TNRC18: variants seen among roughly 807,000 people sequenced by gnomAD.
TNRC18 encodes the protein trinucleotide repeat-containing gene 18 protein.
TNRC18 carries 69 observed loss-of-function variants against 226.7 expected under a neutral mutation model. That is an observed-to-expected ratio of 0.30 (90% CI 0.25 to 0.37). TNRC18 has a LOEUF of 0.37. Among genes scored for constraint, TNRC18 ranks in the 10% least tolerant of loss-of-function variants. The pLI is 1.00. For missense variants in TNRC18, 4,754 were observed against 4,256.6 expected, an observed-to-expected ratio of 1.12 and a Z score of -3.25; for synonymous variants, 2,449 against 1,927.6, an observed-to-expected ratio of 1.27 and a Z score of -7.09.
intron 5 of TNRC18, among the ~76,000 whole-genome samples, chr7:5,378,417 T>C (rs1779161963): frequency 6.6e-6 from 1 of 151,748 alleles, no homozygotes; most frequent in South Asian, 2.1e-4. Context: ...TTTATTTTTA[T>C]TTATTTATTT....
At position 5,377,481 on chromosome 7, in the gene TNRC18, G is replaced by A. The variant is rs572656471; in HGVS notation, c.2351C>T (p.Ala784Val). 52 of 1,582,198 alleles carry A rather than the reference G, an allele frequency of 3.3e-5. No homozygotes were observed. The highest frequency in any genetic ancestry group is 4.6e-5 in the South Asian group (4 of 86,658). ...NPNLMVTGGP[A>V]LAGSGRWSAD... ...AGACCAGCGACCTGAGCCCGCCAGC[G>A]CCGGGCCCCCCGTCACCATGAGGTT... The change falls in exon 7 of 30, where the codon GCG (alanine) becomes GTG (valine). Residue 784 changes from alanine to valine, a missense_variant. Coordinates refer to ENST00000430969, the MANE Select transcript of TNRC18 (RefSeq NM_001080495.3). This position sits in a 1 kb window ranked among gnomAD's most constrained non-coding sequence, Gnocchi z 5.8.
At chr7:5,397,611 C>G (rs1051029052) in intron 2 of TNRC18, among the ~76,000 whole-genome samples, 8 of 152,228 alleles carry the variant, frequency 5.3e-5, no homozygotes, top group Non-Finnish European at 1.0e-4. Flanking sequence ...CCCCTCACCT[C>G]ACTCTCCAGA....
intron 19 of TNRC18, 68 bp downstream of exon 19, chr7:5,332,554 G>C: frequency 6.9e-7 from 1 of 1,451,338 alleles, no homozygotes; most frequent in Non-Finnish European, 9.1e-7. Context: ...GCTGGGAGGG[G>C]AGAGGGCCCC....
chr7:5,338,926 GAAA>G (rs778716584), intron 18 of TNRC18, among the ~76,000 whole-genome samples: 1 of 64,330 alleles, frequency 1.6e-5, no homozygotes, highest in Non-Finnish European at 3.2e-5. Flanking sequence ...ATCTCAAAAG[GAAA>G]AAAAAAAAAA....
rs1779113955 is a variant in TNRC18 at position 5,377,866 on chromosome 7, A to G, written c.2255+56T>C. On this transcript the variant is annotated intron_variant, in intron 6 of 29. Transcript: ENST00000430969. The surrounding 1 kb of genome is among the most constrained non-coding windows in gnomAD (Gnocchi z 5.8). Reference sequence around the variant, plus strand: ...ACCTGGGGTCATCCAGCTGCCCCTCACCCCCAGGGGCTCCTAGATACCCCC... The same window carrying G: ...ACCTGGGGTCATCCAGCTGCCCCTCGCCCCCAGGGGCTCCTAGATACCCCC... The G allele has an allele frequency of 2.6e-6, 4 of 1,544,316 alleles. No individual in the cohort carries two copies. Among genetic ancestry groups the G allele is most frequent in the Non-Finnish European group, 3.6e-6 (4 of 1,121,180 alleles).
chr7:5,308,450 G>T, intron 29 of TNRC18, 138 bp from the exon 30 acceptor site: 1 of 777,794 alleles, frequency 1.3e-6, no homozygotes, highest in Non-Finnish European at 2.1e-6. Context: ...GACAGAGGCT[G>T]AGTAAGAGAC....
rs762708633 is a variant in TNRC18, at chr7:5,313,304, G to A, written c.7587C>T (p.Pro2529=). 2,146 of 1,548,712 alleles carry A rather than the reference G, an allele frequency of 1.4e-3. 2 individuals carry two copies. Among genetic ancestry groups the A allele is most frequent in the South Asian group, 2.0e-3 (164 of 83,990 alleles). The change falls in exon 27 of 30, where the codon CCC becomes CCT. Residue 2529 remains proline, a synonymous_variant. Transcript: ENST00000430969. The part of the protein sequence containing the change: ...KATDGDLAQE[P]GPGLTFEDSG... ...AGTCCTCGAACGTGAGCCCCGGCCCGGGCTCCTGGGCGAGGTCCCCGTCGG... is the reference window on the plus strand; with the variant it reads ...AGTCCTCGAACGTGAGCCCCGGCCCAGGCTCCTGGGCGAGGTCCCCGTCGG...
Position 5,332,946 on chromosome 7 carries a change from G to C in TNRC18, c.5823C>G (p.Pro1941=), listed in dbSNP as rs1789702468. The C allele has an allele frequency of 7.1e-6, 11 of 1,551,684 alleles. No individual in the cohort carries two copies. Among genetic ancestry groups the C allele is most frequent in the Admixed American group, 1.9e-5 (1 of 53,426 alleles). ...RPKKGLGEPG[P]SLAAPTPGAR... is the part of the protein sequence containing the mutation. ...CGCCAGGCGTGGGTGCGGCCAGGGA[G>C]GGTCCCGGCTCCCCCAGCCCCTTCT... Residue 1941 remains proline (P), a synonymous_variant, in exon 19 of 30, where the codon CCC becomes CCG. Transcript: ENST00000430969.
chr7:5,315,781 G>A (rs908663316), intron 25 of TNRC18, among the ~76,000 whole-genome samples, 175 bp downstream of exon 25: 2 of 152,196 alleles, frequency 1.3e-5, no homozygotes, highest in African/African-American at 4.8e-5. Flanking sequence ...CTGTCCTCAT[G>A]GACCCAGGAC....
At chr7:5,390,451 C>T (rs1158675938) in intron 4 of TNRC18, 34 bp downstream of exon 4, 3 of 1,612,858 alleles carry the variant, frequency 1.9e-6, no homozygotes, top group Non-Finnish European at 2.5e-6. Flanking sequence ...CAGAAGGCCC[C>T]TGTGCCACCC....
At chr7:5,346,249 G>A (rs530020456) in intron 17 of TNRC18, among the ~76,000 whole-genome samples, 8 of 152,314 alleles carry the variant, frequency 5.3e-5, no homozygotes, top group Admixed American at 2.0e-4. Context: ...GGGGACTCAG[G>A]CTAGGGGTTC....
chr7:5,388,610 C>A lies in TNRC18; in HGVS notation c.1214G>T (p.Gly405Val). 7.7e-7 allele frequency: 1 copy of A among 1,292,954 alleles called. No individual in the cohort carries two copies. Among genetic ancestry groups the A allele is most frequent in the Admixed American group, 4.3e-5 (1 of 23,230 alleles). 80.1% of individuals were successfully genotyped at this position (1,292,954 alleles called of 1,614,324 possible). A position where few individuals can be genotyped will look rare whatever the true frequency, so the allele number is the denominator to read the frequency against. Reference sequence around the variant, plus strand: ...GGGCGCCTGCAGGACCCCTGGCCTGCCAGCCTCGCGCTCGCGGGCCCGGGC... The same window carrying A: ...GGGCGCCTGCAGGACCCCTGGCCTGACAGCCTCGCGCTCGCGGGCCCGGGC... ...RDARAREREA[G>V]RPGVLQAPPG... Residue 405 changes from glycine (G) to valine (V), a missense_variant, in exon 5 of 30, where the codon GGC becomes GTC. Transcript: ENST00000430969.
At chr7:5,341,645 T>C (rs1790696178) in intron 18 of TNRC18, among the ~76,000 whole-genome samples, 1 of 150,032 alleles carries the variant, frequency 6.7e-6, no homozygotes, top group Non-Finnish European at 1.5e-5. Context: ...ACGCCTGTAA[T>C]CCCAGCTACT....
intron 2 of TNRC18, among the ~76,000 whole-genome samples, chr7:5,402,885 G>T (rs550082469): frequency 6.6e-6 from 1 of 151,880 alleles, no homozygotes; most frequent in Non-Finnish European, 1.5e-5. Context: ...GTGTGGAATG[G>T]GGGGGCAAGG....
Position 5,370,789 on chromosome 7 carries a change from G to A in TNRC18, c.3805C>T (p.Pro1269Ser), listed in dbSNP as rs761731467. ...EEPVEVPVAV[P>S]VVEAVPEEGL... Reference sequence around the variant, plus strand: ...TCCTCGGGCACTGCCTCCACCACGGGCACCGCCACAGGCACCTCCACCGGC... The same window carrying A: ...TCCTCGGGCACTGCCTCCACCACGGACACCGCCACAGGCACCTCCACCGGC... Residue 1269 changes from proline to serine, a missense_variant, in exon 11 of 30, where the codon CCC (proline) becomes TCC (serine). By Grantham distance (74) the Pro-to-Ser change is moderately conservative (BLOSUM62 -1). Coordinates refer to ENST00000430969, the MANE Select transcript of TNRC18 (RefSeq NM_001080495.3). The A allele has an allele frequency of 5.0e-6, 8 of 1,604,544 alleles. No individual in the cohort carries two copies. In the East Asian group the frequency reaches 1.3e-4, roughly 27 times the overall value.
At chr7:5,365,333 G>A (rs959589853) in intron 11 of TNRC18, among the ~76,000 whole-genome samples, 1 of 151,984 alleles carries the variant, frequency 6.6e-6, no homozygotes, top group Non-Finnish European at 1.5e-5. Context: ...GGCTGGTCTT[G>A]AACTCCTGGG....
Position 5,362,732 on chromosome 7 carries a change from A to G in TNRC18, c.4313T>C (p.Val1438Ala). Residue 1438 changes from valine to alanine, a missense_variant, in exon 12 of 30, where the codon GTG (valine) becomes GCG (alanine). Coordinates refer to ENST00000430969, the MANE Select transcript of TNRC18 (RefSeq NM_001080495.3). ...GAGCCGCAGGTTCTTGAGTGGGTCC[A>G]CCACGGGCCCATCCAGCACCTCCCT... ...MLREVLDGPV[V>A]DPLKNLRLPR... is the part of the protein sequence containing the mutation. 6 of 1,574,510 alleles carry G rather than the reference A, an allele frequency of 3.8e-6. No individual in the cohort carries two copies. Among genetic ancestry groups the G allele is most frequent in the Non-Finnish European group, 5.2e-6 (6 of 1,160,718 alleles).
rs986415675 is a variant in TNRC18 at position 5,313,745 on chromosome 7, C to T, written c.7146G>A (p.Lys2382=). ...SKKSPPEPVD[K]RAKAPKARPA... The stretch of plus-strand genomic sequence containing the variant: ...GGCGCGCCTTGGGGGCCTTGGCTCG[C>T]TTGTCCACAGGCTCTGGGGGGCTCT... The change falls in exon 27 of 30, where the codon AAG becomes AAA. Residue 2382 remains lysine (K), a synonymous_variant. Transcript: ENST00000430969. 1.9e-6 allele frequency: 3 copies of T among 1,570,956 alleles called. No homozygotes were observed. The highest frequency in any genetic ancestry group is 1.4e-5 in the African/African-American group (1 of 73,940).
At chr7:5,399,281 G>A (rs184144582) in intron 2 of TNRC18, among the ~76,000 whole-genome samples, 32 of 152,284 alleles carry the variant, frequency 2.1e-4, no homozygotes, top group Middle Eastern at 3.4e-3. Context: ...CCAACCTGCG[G>A]TATGGGGGTC....
Sources: allele counts gnomAD v4.1 joint callset (sites outside exome capture counted in the v4.1 genomes callset), GRCh38; gene constraint gnomAD v4.1.1; non-coding constraint Gnocchi (gnomAD v3.1); transcripts MANE v1.5; gene names NCBI Gene and HGNC (gene_info 2026-07-23, HGNC 2026-07-21).